SELENOK: variants seen among roughly 807,000 people sequenced by gnomAD.
The protein encoded by SELENOK is selenoprotein K.
In SELENOK, 11 loss-of-function variants were observed where a neutral mutation model predicts 17.3. The observed-to-expected ratio is 0.63, with a 90% CI of 0.40 to 1.05. The LOEUF is 1.05. Among genes scored for constraint, SELENOK ranks in the 50% least tolerant of loss-of-function variants. The pLI, the probability that SELENOK is intolerant of heterozygous loss-of-function variation, is 0.00. For synonymous variants in SELENOK, 45 were observed against 35.4 expected (o/e 1.27, Z -0.97); for missense variants, 125 against 113.9 (o/e 1.10, Z -0.44).
At chr3:53,891,722 C>A in intron 1 of SELENOK, 48 bp downstream of exon 1, 2 of 1,611,576 alleles carry the variant, frequency 1.2e-6, no homozygotes, top group South Asian at 1.1e-5. Flanking sequence ...AACCTGGAGT[C>A]CGATCTTACA....
Position 53,886,743 on chromosome 3 carries a change from T to C in SELENOK, c.194+108A>G, listed in dbSNP as rs1223959033. On this transcript the variant is annotated intron_variant, in intron 3 of 4. Transcript: ENST00000495461. Reference sequence around the variant, plus strand: ...ACAGTAATGCATTAATTTTGTAAAATAGGATTTAAACTTTTAATTTCCAAA... The same window carrying C: ...ACAGTAATGCATTAATTTTGTAAAACAGGATTTAAACTTTTAATTTCCAAA... The C allele has an allele frequency of 1.1e-5, 7 of 625,060 alleles. No homozygotes were observed. In the African/African-American group the frequency reaches 1.3e-4, roughly 12 times the overall value. 38.7% of individuals were successfully genotyped at this position (625,060 alleles called of 1,614,324 possible).
chr3:53,890,976 T>A (rs927901723), intron 1 of SELENOK: 3 of 152,300 alleles, frequency 2.0e-5, no homozygotes, highest in Non-Finnish European at 4.4e-5. Context: ...GACACAGTCA[T>A]GTCCTTCCTT....
At chr3:53,888,048 T>C (rs1285318422) in intron 2 of SELENOK, 2 of 162,842 alleles carry the variant, frequency 1.2e-5, no homozygotes, top group Non-Finnish European at 2.6e-5. Context: ...GGAATGAAAG[T>C]TGCATGCACA....
At position 53,884,628 on chromosome 3, in the gene SELENOK, A is replaced by C. The variant is rs1043410043; in HGVS notation, c.*930T>G. ...TGATGCTATAGAGTGCAAATTTGTCAAGATAGCATGGAAGCCCATGGTTTT... is the reference window on the plus strand; with the variant it reads ...TGATGCTATAGAGTGCAAATTTGTCCAGATAGCATGGAAGCCCATGGTTTT... On this transcript the variant is annotated 3_prime_UTR_variant, in exon 5 of 5. Transcript: ENST00000495461. The C allele has an allele frequency of 2.0e-5, 3 of 152,254 alleles. No homozygotes were observed. Among genetic ancestry groups the C allele is most frequent in the Non-Finnish European group, 4.4e-5 (3 of 68,056 alleles). 9.4% of individuals were successfully genotyped at this position (152,254 alleles called of 1,614,324 possible). A position where few individuals can be genotyped will look rare whatever the true frequency, so the allele number is the denominator to read the frequency against.
chr3:53,890,578 C>T (rs575795644), intron 1 of SELENOK, among the ~76,000 whole-genome samples: 1 of 152,262 alleles, frequency 6.6e-6, no homozygotes, highest in South Asian at 2.1e-4. Context: ...ACAACAAATA[C>T]AAGGAATTAT....
At chr3:53,891,186 C>T (rs969199963) in intron 1 of SELENOK, 2 of 152,450 alleles carry the variant, frequency 1.3e-5, no homozygotes, top group African/African-American at 4.8e-5. Flanking sequence ...CATCCTAGGT[C>T]GGCTCGGTCT....
chr3:53,890,969 A>C (rs62619200), intron 1 of SELENOK: 5,771 of 152,360 alleles, frequency 0.038, 143 homozygotes, highest in South Asian at 0.069. Context: ...CTGATCTGAC[A>C]CAGTCATGTC....
intron 1 of SELENOK, among the ~76,000 whole-genome samples, chr3:53,888,783 G>T (rs941495954): frequency 6.6e-6 from 1 of 152,148 alleles, no homozygotes. Flanking sequence ...AAGGCTGGGC[G>T]CGGTGGCTCA....
In SELENOK at chr3:53,888,503, A is replaced by C. The variant is rs1700142973; in HGVS notation, c.20-20T>G. 1 of 1,538,656 alleles carries C rather than the reference A, an allele frequency of 6.5e-7. No homozygotes were observed. The highest frequency in any genetic ancestry group is 1.7e-5 in the Admixed American group (1 of 59,360). ...CTTGTCCTACAGATAAGAATTAAAGAAACTTTAGTGAGTGCTACAAATCCC... is the reference window on the plus strand; with the variant it reads ...CTTGTCCTACAGATAAGAATTAAAGCAACTTTAGTGAGTGCTACAAATCCC... On this transcript the variant is annotated intron_variant, in intron 1 of 4. Transcript: ENST00000495461.
chr3:53,888,589 C>T lies in SELENOK; in HGVS notation c.20-106G>A, dbSNP rs1185739002. Reference sequence around the variant, plus strand: ...ACAATGATTGGGGTTTTAACTTGCCCATTATTCCAAATGGCCAACACCAGA... The same window carrying T: ...ACAATGATTGGGGTTTTAACTTGCCTATTATTCCAAATGGCCAACACCAGA... On this transcript the variant is annotated intron_variant, in intron 1 of 4. Coordinates refer to ENST00000495461, the MANE Select transcript of SELENOK (RefSeq NM_021237.5). The T allele has an allele frequency of 3.8e-6, 3 of 795,724 alleles. No homozygotes were observed. In the East Asian group the frequency reaches 7.4e-5, roughly 20 times the overall value. 49.3% of individuals were successfully genotyped at this position (795,724 alleles called of 1,614,324 possible).
chr3:53,887,029 T>TGG, intron 2 of SELENOK, 95 bp from the exon 3 acceptor site: 2 of 982,462 alleles, frequency 2.0e-6, no homozygotes, highest in Non-Finnish European at 3.0e-6. Flanking sequence ...TGTGAGAGGA[T>TGG]TACTAAACCC....
intron 2 of SELENOK, among the ~76,000 whole-genome samples, 180 bp from the exon 3 acceptor site, chr3:53,887,114 T>C (rs1320070732): frequency 6.6e-6 from 1 of 152,218 alleles, no homozygotes. Context: ...CTAAACTGAA[T>C]GTGCTATGTT....
chr3:53,888,321 C>A, intron 2 of SELENOK, 72 bp downstream of exon 2: 3 of 928,612 alleles, frequency 3.2e-6, no homozygotes, highest in South Asian at 1.4e-5. Context: ...ATTTAAGATC[C>A]CTAACATAAT....
At position 53,888,407 on chromosome 3, in the gene SELENOK, C is replaced by A; in HGVS notation, c.96G>T (p.Glu32Asp). 1 of 1,611,798 alleles carries A rather than the reference C, an allele frequency of 6.2e-7. No homozygotes were observed. Among genetic ancestry groups the A allele is most frequent in the Non-Finnish European group, 8.5e-7 (1 of 1,178,566 alleles). The change falls in exon 2 of 5, where the codon GAG (glutamate) becomes GAT (aspartate). Residue 32 changes from glutamate to aspartate, a missense_variant. By Grantham distance (45) the Glu-to-Asp change is conservative. Transcript: ENST00000495461. ...LITDFFWGIA[E>D]FVVLFFKTLL... ...TCTATACTTACAACAAAACCACAAA[C>A]TCAGCTATTCCCCAGAAGAAATCTG...
At position 53,884,484 on chromosome 3, in the gene SELENOK, T is replaced by C. The variant is rs1700108655; in HGVS notation, c.*1074A>G. On this transcript the variant is annotated 3_prime_UTR_variant, in exon 5 of 5. Transcript: ENST00000495461. ...ATGACTATCTTACATGTAGTCACTA[T>C]TCAAAGGACTGGGGTAAAGACAACA... is the stretch of plus-strand genomic sequence containing the variant. The C allele has an allele frequency of 6.6e-6, 1 of 152,240 alleles. No homozygotes were observed. The highest frequency in any genetic ancestry group is 2.4e-5 in the African/African-American group (1 of 41,462). 9.4% of individuals were successfully genotyped at this position (152,240 alleles called of 1,614,324 possible). A position where few individuals can be genotyped will look rare whatever the true frequency, so the allele number is the denominator to read the frequency against.
chr3:53,891,423 C>A (rs1361888716), intron 1 of SELENOK, among the ~76,000 whole-genome samples: 2 of 152,260 alleles, frequency 1.3e-5, no homozygotes, highest in Non-Finnish European at 2.9e-5. Context: ...GCTACGTGTA[C>A]AGCGTCGGCA....
At chr3:53,890,505 C>T (rs1254094861) in intron 1 of SELENOK, among the ~76,000 whole-genome samples, 3 of 152,112 alleles carry the variant, frequency 2.0e-5, no homozygotes, top group East Asian at 1.9e-4. Flanking sequence ...TTTTAAAGTA[C>T]GATAAAGAGT....
intron 4 of SELENOK, 57 bp from the exon 5 acceptor site, chr3:53,885,618 A>T (rs1700119573): frequency 1.3e-6 from 2 of 1,519,860 alleles, no homozygotes; most frequent in Admixed American, 1.7e-5. Flanking sequence ...TCTGTGTGAA[A>T]ACCTCAACAT....
chr3:53,890,060 C>T (rs746833084), intron 1 of SELENOK, among the ~76,000 whole-genome samples: 1 of 152,360 alleles, frequency 6.6e-6, no homozygotes, highest in East Asian at 1.9e-4. Flanking sequence ...CCTCTACCCA[C>T]TCCATGAGGG....
Sources: gnomAD v4.1 joint callset for allele counts (sites outside exome capture counted in the v4.1 genomes callset) on GRCh38, gnomAD v4.1.1 for gene constraint, MANE v1.5 for transcripts, NCBI Gene and HGNC (gene_info 2026-07-23, HGNC 2026-07-21) for gene names.